Variants in CNTN5 observed in about 807,000 individuals in gnomAD.
The protein encoded by CNTN5 is contactin 5.
Under a neutral mutation model 129.1 loss-of-function variants are expected in CNTN5, and 77 were observed. The observed-to-expected ratio is 0.60, with a 90% confidence interval of 0.50 to 0.72. The LOEUF is 0.72. Ranked by LOEUF, CNTN5 falls within the 30% of genes least tolerant of loss-of-function variation. The pLI, the probability that CNTN5 is intolerant of heterozygous loss-of-function variation, is 0.00. For synonymous variants in CNTN5, 509 were observed against 465.6 expected (o/e 1.09, Z -1.20); for missense variants, 1,478 against 1,328.8 (o/e 1.11, Z -1.75).
At chr11:99,768,935 T>C (rs1318259640) in intron 3 of CNTN5, among the ~76,000 whole-genome samples, 3 of 152,174 alleles carry the variant, frequency 2.0e-5, no homozygotes, top group Non-Finnish European at 4.4e-5. Flanking sequence ...GAGTCAATTA[T>C]TATACTATAG....
At chr11:99,295,555 C>G (rs954656636) in intron 1 of CNTN5, among the ~76,000 whole-genome samples, 8 of 152,186 alleles carry the variant, frequency 5.3e-5, no homozygotes, top group Admixed American at 5.2e-4. Flanking sequence ...TGGCAATGTT[C>G]TCTTTAATCC....
At chr11:99,392,518 T>C (rs796183863) in intron 2 of CNTN5, among the ~76,000 whole-genome samples, 2 of 152,010 alleles carry the variant, frequency 1.3e-5, no homozygotes, top group African/African-American at 2.4e-5. Context: ...TCTGATGATA[T>C]TGACTTTCAC....
At chr11:100,201,790 T>C (rs1440442298) in intron 15 of CNTN5, among the ~76,000 whole-genome samples, 1 of 151,984 alleles carries the variant, frequency 6.6e-6, no homozygotes, top group Admixed American at 6.6e-5. Context: ...ACTGAACCAC[T>C]CCTTCCCCAA....
rs577169815 is a variant in CNTN5 at position 99,901,395 on chromosome 11, G to T, written c.578-14659G>T. 3.9e-5 allele frequency among the ~76,000 whole-genome samples: 6 copies of T among 152,074 alleles called. No individual in the cohort carries two copies. In the South Asian group the frequency reaches 1.0e-3, roughly 26 times the overall value. ...CACCTCTGCCTACTGGGTTCAAATG[G>T]TTCTCCCACCTCAGTCTCTCAAGTA... On this transcript the variant is annotated intron_variant, in intron 6 of 24. Coordinates refer to ENST00000524871, the MANE Select transcript of CNTN5 (RefSeq NM_014361.4).
chr11:99,136,142 T>TATTCTAATTATACTCTTACCC (rs1859206940), intron 1 of CNTN5, among the ~76,000 whole-genome samples: 3 of 152,050 alleles, frequency 2.0e-5, no homozygotes, highest in Admixed American at 2.0e-4. Flanking sequence ...TACTCTTACC[T>TATTCTAATTATACTCTTACCC]GGCCATTCTT....
At chr11:99,453,886 A>T (rs1239232790) in intron 2 of CNTN5, among the ~76,000 whole-genome samples, 5 of 152,202 alleles carry the variant, frequency 3.3e-5, no homozygotes, top group Non-Finnish European at 7.3e-5. Flanking sequence ...TGCATCTTCA[A>T]GTAGTATGGG....
intron 1 of CNTN5, among the ~76,000 whole-genome samples, chr11:99,260,505 C>T (rs1862577208): frequency 6.6e-6 from 1 of 151,810 alleles, no homozygotes; most frequent in Non-Finnish European, 1.5e-5. Context: ...AGTTTACAAT[C>T]ATCAAAAGGA....
chr11:100,182,623 T>C (rs1242083407), intron 13 of CNTN5, among the ~76,000 whole-genome samples: 1 of 152,108 alleles, frequency 6.6e-6, no homozygotes, highest in Non-Finnish European at 1.5e-5. Flanking sequence ...AGTAAGATTC[T>C]ACTTCATACC....
At chr11:99,784,084 A>G (rs1361550599) in intron 3 of CNTN5, among the ~76,000 whole-genome samples, 1 of 152,140 alleles carries the variant, frequency 6.6e-6, no homozygotes, top group Non-Finnish European at 1.5e-5. Flanking sequence ...AGTATTTTGC[A>G]GATGATTTCA....
Position 99,885,888 on chromosome 11 carries a change from T to G in CNTN5, c.578-30166T>G, listed in dbSNP as rs896527416. 5.9e-5 allele frequency among the ~76,000 whole-genome samples: 9 copies of G among 152,048 alleles called. 1 individual carries two copies. The highest frequency in any genetic ancestry group is 2.2e-4 in the African/African-American group (9 of 41,400). On this transcript the variant is annotated intron_variant, in intron 6 of 24. Coordinates refer to ENST00000524871, the MANE Select transcript of CNTN5 (RefSeq NM_014361.4). ...AAAAGTAAAATTTTCCAAAACTGAT[T>G]CAAGAGGAAATTAAAGCTTAACTAG... is the stretch of plus-strand genomic sequence containing the variant.
At chr11:99,781,439 C>T (rs1292924385) in intron 3 of CNTN5, among the ~76,000 whole-genome samples, 2 of 151,970 alleles carry the variant, frequency 1.3e-5, no homozygotes, top group Non-Finnish European at 2.9e-5. Flanking sequence ...AGTGGCCAAG[C>T]TCCTCTCATA....
At chr11:100,293,975 T>A (rs936047195) in intron 18 of CNTN5, among the ~76,000 whole-genome samples, 57 of 151,602 alleles carry the variant, frequency 3.8e-4, no homozygotes, top group African/African-American at 1.3e-3. Context: ...GAAAAAAAAA[T>A]TATTTTTTAA....
intron 2 of CNTN5, among the ~76,000 whole-genome samples, chr11:99,431,080 C>T (rs1341150422): frequency 1.3e-5 from 2 of 150,030 alleles, no homozygotes; most frequent in African/African-American, 4.9e-5. Context: ...AGGCATAACT[C>T]GGAACTCTCA....
intron 9 of CNTN5, among the ~76,000 whole-genome samples, chr11:100,050,855 A>C (rs1482215647): frequency 6.6e-6 from 1 of 152,104 alleles, no homozygotes; most frequent in Admixed American, 6.6e-5. Flanking sequence ...TGAACATTTT[A>C]TGATAATAAA....
At chr11:100,000,525 G>A (rs1023670992) in intron 8 of CNTN5, among the ~76,000 whole-genome samples, 1 of 152,218 alleles carries the variant, frequency 6.6e-6, no homozygotes, top group African/African-American at 2.4e-5. Context: ...TTCATGGGCT[G>A]CCGTTGAGTG....
chr11:100,257,022 C>T (rs1043621574), intron 17 of CNTN5, among the ~76,000 whole-genome samples: 7 of 152,276 alleles, frequency 4.6e-5, no homozygotes, highest in Non-Finnish European at 8.8e-5. Context: ...ATCCCACCCC[C>T]ATGGAGCCCA....
At chr11:99,355,835 T>G (rs1398557697) in intron 2 of CNTN5, among the ~76,000 whole-genome samples, 1 of 148,674 alleles carries the variant, frequency 6.7e-6, no homozygotes, top group Admixed American at 6.7e-5. Context: ...TTTTTTTTTT[T>G]GTTTTTTTTG....
chr11:99,869,998 C>A (rs1046658179), intron 6 of CNTN5, among the ~76,000 whole-genome samples: 2 of 152,100 alleles, frequency 1.3e-5, no homozygotes, highest in Non-Finnish European at 2.9e-5. Context: ...ACCCTTCCCC[C>A]CTGCCATGCC....
chr11:99,715,954 G>T (rs528544647), intron 3 of CNTN5, among the ~76,000 whole-genome samples: 23 of 151,804 alleles, frequency 1.5e-4, no homozygotes, highest in African/African-American at 5.1e-4. Context: ...CTTAGAACAA[G>T]AATATAAATT....
Sources: gnomAD v4.1 joint callset for allele counts (sites outside exome capture counted in the v4.1 genomes callset) on GRCh38, gnomAD v4.1.1 for gene constraint, MANE v1.5 for transcripts, NCBI Gene and HGNC (gene_info 2026-07-23, HGNC 2026-07-21) for gene names.